CCNY: variants seen among roughly 807,000 people sequenced by gnomAD.
CCNY encodes the protein cyclin-Y.
A neutral mutation model predicts 42.8 loss-of-function variants in CCNY; 19 were observed. The observed-to-expected ratio is 0.44, with a 90% CI of 0.31 to 0.65. The LOEUF (loss-of-function observed/expected upper bound fraction) is 0.65. CCNY is among the 30% of genes least tolerant of loss of function. CCNY has a pLI of 0.07. For missense variants in CCNY, 370 were observed against 437.3 expected (o/e 0.85, Z 1.37); for synonymous variants, 165 against 162.7 (o/e 1.01, Z -0.11).
At chr10:35,367,943 G>T (rs1836845121) in intron 1 of CCNY, among the ~76,000 whole-genome samples, 1 of 152,198 alleles carries the variant, frequency 6.6e-6, no homozygotes, top group African/African-American at 2.4e-5. Flanking sequence ...AAAAACTTTG[G>T]AGTGTAAATG....
intron 3 of CCNY, among the ~76,000 whole-genome samples, chr10:35,286,347 T>A (rs1835354169): frequency 6.6e-6 from 1 of 151,966 alleles, no homozygotes; most frequent in African/African-American, 2.4e-5. Flanking sequence ...TACTAAGAAT[T>A]AGTATTTTAC....
chr10:35,532,185 A>G (rs186616105), intron 7 of CCNY, among the ~76,000 whole-genome samples: 84 of 152,320 alleles, frequency 5.5e-4, no homozygotes, highest in Non-Finnish European at 1.0e-3. Flanking sequence ...GCTTGTGGGT[A>G]GAGGGCACAG....
chr10:35,296,383 C>T (rs1364060008), intron 3 of CCNY, among the ~76,000 whole-genome samples: 3 of 152,070 alleles, frequency 2.0e-5, no homozygotes, highest in Admixed American at 1.3e-4. Context: ...AGTTTGAGAC[C>T]AGCCAGGCCA....
upstream of CCNY, among the ~76,000 whole-genome samples, chr10:35,332,820 G>A (rs577553250): frequency 6.6e-4 from 101 of 152,258 alleles, no homozygotes; most frequent in African/African-American, 2.3e-3. Flanking sequence ...TAGCCAGGAT[G>A]GTCTTGATCT....
At chr10:35,403,090 G>A (rs1009558818) in intron 1 of CCNY, among the ~76,000 whole-genome samples, 1 of 151,132 alleles carries the variant, frequency 6.6e-6, no homozygotes, top group Non-Finnish European at 1.5e-5. Flanking sequence ...AGTCCTGGGC[G>A]GGGGAAAATC....
At chr10:35,522,941 A>G (rs1005565270) in intron 4 of CCNY, among the ~76,000 whole-genome samples, 4 of 152,166 alleles carry the variant, frequency 2.6e-5, no homozygotes, top group African/African-American at 9.7e-5. Context: ...AAACCCCACT[A>G]CTGCCTTGGC....
intron 3 of CCNY, among the ~76,000 whole-genome samples, chr10:35,273,035 T>C (rs1383408258): frequency 6.6e-6 from 1 of 152,106 alleles, no homozygotes; most frequent in Non-Finnish European, 1.5e-5. Context: ...GTTGAGCTTT[T>C]TTTCACATGC....
chr10:35,474,620 A>G (rs1404973715), intron 1 of CCNY, among the ~76,000 whole-genome samples: 10 of 152,066 alleles, frequency 6.6e-5, no homozygotes, highest in Non-Finnish European at 1.3e-4. Context: ...CAAACAGAAA[A>G]GACATCCACA....
At chr10:35,345,863 G>A (rs900808591) in intron 1 of CCNY, among the ~76,000 whole-genome samples, 3 of 152,188 alleles carry the variant, frequency 2.0e-5, no homozygotes, top group Non-Finnish European at 2.9e-5. Context: ...TTACTCTTCT[G>A]AGTTGCATCT....
chr10:35,421,590 G>A (rs575379092), intron 1 of CCNY, among the ~76,000 whole-genome samples: 131 of 152,236 alleles, frequency 8.6e-4, no homozygotes, highest in African/African-American at 2.8e-3. Context: ...GCTTTTGTCA[G>A]GGACAGTTTC....
At chr10:35,529,325 G>A (rs1024898933) in intron 5 of CCNY, among the ~76,000 whole-genome samples, 3 of 152,156 alleles carry the variant, frequency 2.0e-5, no homozygotes, top group African/African-American at 7.2e-5. Context: ...CCCACAGTAT[G>A]TTGATGGCTT....
chr10:35,316,569 T>C (rs1835762865), intron 3 of CCNY, among the ~76,000 whole-genome samples: 2 of 152,186 alleles, frequency 1.3e-5, no homozygotes, highest in Admixed American at 1.3e-4. Context: ...TTGGGTGTAA[T>C]CTCTTTTTTA....
chr10:35,269,159 T>C (rs752772762), intron 3 of CCNY, among the ~76,000 whole-genome samples: 5 of 152,166 alleles, frequency 3.3e-5, no homozygotes, highest in African/African-American at 1.2e-4. Flanking sequence ...CTTTTGATGA[T>C]AGATTTTCTC....
At chr10:35,559,557 G>A (rs1841425308) in intron 8 of CCNY, among the ~76,000 whole-genome samples, 1 of 152,236 alleles carries the variant, frequency 6.6e-6, no homozygotes, top group African/African-American at 2.4e-5. Context: ...CAAGGGTGCT[G>A]GGACAGCATT....
intron 1 of CCNY, among the ~76,000 whole-genome samples, chr10:35,418,269 G>A (rs1218066781): frequency 1.3e-5 from 2 of 152,146 alleles, no homozygotes; most frequent in Non-Finnish European, 2.9e-5. Flanking sequence ...CACCAAATGT[G>A]TAGCTGTGTC....
intron 3 of CCNY, among the ~76,000 whole-genome samples, chr10:35,514,737 T>C (rs1840394385): frequency 2.0e-5 from 3 of 152,250 alleles, no homozygotes; most frequent in Admixed American, 2.0e-4. Flanking sequence ...TGAAATATTA[T>C]TGTCCTTTTC....
chr10:35,335,924 A>ACC (rs1554777638), upstream of CCNY: 1,538 of 70,298 alleles, frequency 0.022, 57 homozygotes, highest in African/African-American at 0.083. Context: ...ACACACACAC[A>ACC]CACCTTAGCC....
chr10:35,569,106 G>A lies in CCNY; in HGVS notation c.962G>A (p.Arg321Lys), dbSNP rs368013396. 3.5e-5 allele frequency: 56 copies of A among 1,613,076 alleles called. No individual in the cohort carries two copies. Among genetic ancestry groups the A allele is most frequent in the Non-Finnish European group, 4.2e-5 (49 of 1,180,004 alleles). ...TACAAGGACCTAAGAAGATCCGCGA[G>A]GAAGCGCTCAGCCAGTGCAGACAAC... ...DKYKDLRRSA[R>K]KRSASADNLT... Residue 321 changes from arginine to lysine, a missense_variant, in exon 10 of 10, where the codon AGG becomes AAG. By Grantham distance (26) the Arg-to-Lys change is conservative (BLOSUM62 2). Coordinates refer to ENST00000374704, the MANE Select transcript of CCNY (RefSeq NM_145012.6).
intron 3 of CCNY, among the ~76,000 whole-genome samples, chr10:35,300,008 A>G (rs944873713): frequency 6.6e-6 from 1 of 152,208 alleles, no homozygotes; most frequent in Non-Finnish European, 1.5e-5. Flanking sequence ...CAATCACGTA[A>G]GTTTTCAGAA....
Sources: gnomAD v4.1 joint callset for allele counts (sites outside exome capture counted in the v4.1 genomes callset) on GRCh38, gnomAD v4.1.1 for gene constraint, MANE v1.5 for transcripts, NCBI Gene and HGNC (gene_info 2026-07-23, HGNC 2026-07-21) for gene names.